The following COL21A1 variants were observed in gnomAD, a reference collection of about 807,000 sequenced individuals.
The protein encoded by COL21A1 is collagen alpha-1(XXI) chain.
A neutral mutation model predicts 137.9 loss-of-function variants in COL21A1; 149 were observed. The observed-to-expected ratio is 1.08, with a 90% confidence interval of 0.95 to 1.24. COL21A1 has a LOEUF of 1.24. COL21A1 is among the 50% of genes most tolerant of loss of function. COL21A1 has a pLI of 0.00. For synonymous variants in COL21A1, 456 were observed against 391.5 expected (o/e 1.16, Z -1.95); for missense variants, 1,167 against 1,158.4 (o/e 1.01, Z -0.11).
chr6:56,370,839 C>T (rs960788209), intron 1 of COL21A1, among the ~76,000 whole-genome samples: 1 of 152,180 alleles, frequency 6.6e-6, no homozygotes, highest in East Asian at 1.9e-4. Context: ...CTTCATTGTC[C>T]TCCACACAGA....
At chr6:56,199,533 G>A (rs1779240630) in intron 1 of COL21A1, among the ~76,000 whole-genome samples, 1 of 151,906 alleles carries the variant, frequency 6.6e-6, no homozygotes, top group Non-Finnish European at 1.5e-5. Context: ...AAAAAGAGAG[G>A]TAAACTTGGT....
intron 1 of COL21A1, among the ~76,000 whole-genome samples, chr6:56,219,209 C>T (rs1421008809): frequency 9.6e-6 from 1 of 104,404 alleles, no homozygotes; most frequent in Non-Finnish European, 1.7e-5. Context: ...CAAAGCCAAA[C>T]TTGCACCAAA....
At chr6:56,359,627 T>C (rs1765921433) in intron 1 of COL21A1, among the ~76,000 whole-genome samples, 1 of 152,216 alleles carries the variant, frequency 6.6e-6, no homozygotes, top group South Asian at 2.1e-4. Flanking sequence ...TCTGAGCACA[T>C]GCACAAATTT....
At chr6:56,233,331 A>T (rs1357871810) in intron 1 of COL21A1, among the ~76,000 whole-genome samples, 4 of 151,930 alleles carry the variant, frequency 2.6e-5, no homozygotes, top group Non-Finnish European at 4.4e-5. Flanking sequence ...AACCAGCAAC[A>T]TGAAGAAAAA....
At chr6:56,332,769 TTAAAAAA>T (rs1765259188) in intron 1 of COL21A1, among the ~76,000 whole-genome samples, 1 of 152,046 alleles carries the variant, frequency 6.6e-6, no homozygotes, top group Non-Finnish European at 1.5e-5. Flanking sequence ...TGTGATTTGT[TTAAAAAA>T]TAAAAACTTC....
At chr6:56,264,704 G>A (rs924585256) in intron 1 of COL21A1, among the ~76,000 whole-genome samples, 7 of 152,052 alleles carry the variant, frequency 4.6e-5, no homozygotes, top group Non-Finnish European at 7.4e-5. Flanking sequence ...ACCTCAATCC[G>A]ATACTAGTCT....
At chr6:56,295,871 T>C (rs1764153858) in intron 1 of COL21A1, among the ~76,000 whole-genome samples, 1 of 151,988 alleles carries the variant, frequency 6.6e-6, no homozygotes, top group Admixed American at 6.6e-5. Context: ...TAGACAATCA[T>C]GTCATCTGAA....
chr6:56,222,146 G>T (rs917354748), intron 1 of COL21A1, among the ~76,000 whole-genome samples: 1 of 152,014 alleles, frequency 6.6e-6, no homozygotes, highest in Non-Finnish European at 1.5e-5. Flanking sequence ...GGTGGTGCAT[G>T]CCTGTAATCC....
chr6:56,070,558 C>A (rs1216249836), intron 21 of COL21A1, among the ~76,000 whole-genome samples, 187 bp downstream of exon 21: 2 of 151,472 alleles, frequency 1.3e-5, no homozygotes, highest in South Asian at 4.1e-4. Context: ...TATCCAATGA[C>A]AAAGTATCTA....
intron 16 of COL21A1, among the ~76,000 whole-genome samples, chr6:56,121,962 C>G (rs1228896740): frequency 6.6e-6 from 1 of 151,662 alleles, no homozygotes; most frequent in East Asian, 1.9e-4. Flanking sequence ...TAACCAAGGT[C>G]AAATATGAAG....
upstream of COL21A1, among the ~76,000 whole-genome samples, chr6:56,249,683 C>A (rs1044336954): frequency 1.3e-5 from 2 of 152,098 alleles, no homozygotes; most frequent in Admixed American, 6.5e-5. Flanking sequence ...ACTTGAAGTA[C>A]GTAGTAAATC....
intron 16 of COL21A1, among the ~76,000 whole-genome samples, chr6:56,120,719 A>G (rs971686125): frequency 2.0e-5 from 3 of 151,756 alleles, no homozygotes; most frequent in East Asian, 3.9e-4. Flanking sequence ...GCTTGAACCC[A>G]GGAGGCAGAG....
chr6:56,362,442 T>C (rs2152348695), intron 1 of COL21A1, among the ~76,000 whole-genome samples: 2 of 152,282 alleles, frequency 1.3e-5, no homozygotes, highest in South Asian at 4.1e-4. Context: ...GATCCCTGAT[T>C]TATAAATAGA....
chr6:56,286,466 C>A (rs80351427), intron 1 of COL21A1, among the ~76,000 whole-genome samples: 11,893 of 152,232 alleles, frequency 0.078, 536 homozygotes, highest in Middle Eastern at 0.15. Flanking sequence ...CACATGTATA[C>A]ATGCACACTT....
chr6:56,252,249 G>C (rs533253783), upstream of COL21A1, among the ~76,000 whole-genome samples: 1 of 152,262 alleles, frequency 6.6e-6, no homozygotes, highest in Non-Finnish European at 1.5e-5. Context: ...AGCTTAACAA[G>C]CTTTTCCCTT....
chr6:56,353,005 A>ACT (rs1765746944), intron 1 of COL21A1, among the ~76,000 whole-genome samples: 1 of 152,078 alleles, frequency 6.6e-6, no homozygotes, highest in African/African-American at 2.4e-5. Context: ...CGACCACTGC[A>ACT]CTCCATCCTG....
intron 1 of COL21A1, among the ~76,000 whole-genome samples, chr6:56,282,299 G>A (rs1383681505): frequency 6.6e-6 from 1 of 152,126 alleles, no homozygotes; most frequent in African/African-American, 2.4e-5. Context: ...CAAGAAATTT[G>A]TTCCTGTTGA....
chr6:56,314,034 C>T (rs906545445), intron 1 of COL21A1, among the ~76,000 whole-genome samples: 6 of 152,158 alleles, frequency 3.9e-5, no homozygotes, highest in East Asian at 1.9e-4. Flanking sequence ...CACCAGGCTG[C>T]AATGAAGTGG....
chr6:56,213,597 C>A (rs1205818621), intron 1 of COL21A1, among the ~76,000 whole-genome samples: 3 of 151,880 alleles, frequency 2.0e-5, no homozygotes, highest in African/African-American at 7.3e-5. Flanking sequence ...AAAACTCTGG[C>A]ATATATGAGG....
Sources: allele counts gnomAD v4.1 joint callset (sites outside exome capture counted in the v4.1 genomes callset), GRCh38; gene constraint gnomAD v4.1.1; transcripts MANE v1.5; gene names NCBI Gene and HGNC (gene_info 2026-07-23, HGNC 2026-07-21).